Variants in HMGN4 observed in about 807,000 individuals in gnomAD.
The protein encoded by HMGN4 is high mobility group nucleosomal binding domain 4.
For synonymous variants in HMGN4, 39 were observed against 39.1 expected, an observed-to-expected ratio of 1.00 and a Z score of 0.01; for missense variants, 69 against 104.9, an observed-to-expected ratio of 0.66 and a Z score of 1.49.
At position 26,546,312 on chromosome 6, in the gene HMGN4, A is replaced by G. The variant is rs1220223154; in HGVS notation, c.*833A>G. ...TTCTTTACTGCCTTGTGGAAATTTT[A>G]TAGTTTTGCCTTTCACATTTGTCTT... On this transcript the variant is annotated 3_prime_UTR_variant, in exon 2 of 2. Coordinates refer to ENST00000377575, the MANE Select transcript of HMGN4 (RefSeq NM_006353.3). 6.0e-6 allele frequency: 1 copy of G among 167,066 alleles called. No homozygotes were observed. The highest frequency in any genetic ancestry group is 1.5e-5 in the Non-Finnish European group (1 of 68,122). 10.3% of individuals were successfully genotyped at this position (167,066 alleles called of 1,614,324 possible).
chr6:26,538,973 C>T (rs1353814239), intron 1 of HMGN4, among the ~76,000 whole-genome samples: 1 of 152,158 alleles, frequency 6.6e-6, no homozygotes, highest in Non-Finnish European at 1.5e-5. Flanking sequence ...TGACCTTTTG[C>T]TATTCCATCA....
Position 26,545,423 on chromosome 6 carries a change from C to T in HMGN4, c.217C>T (p.Arg73Ter), listed in dbSNP as rs1234494741. 3.1e-6 allele frequency: 5 copies of T among 1,608,804 alleles called. No individual in the cohort carries two copies. Among genetic ancestry groups the T allele is most frequent in the Non-Finnish European group, 4.2e-6 (5 of 1,178,174 alleles). The change falls in exon 2 of 2, where the codon CGA becomes TGA. Residue 73 changes from arginine to a stop codon, truncating the protein, a stop_gained. Transcript: ENST00000377575. LOFTEE classifies it low-confidence loss of function (END_TRUNC). ...GGATGGGAACAACCCTGCAAAAAAC[C>T]GAGATGCCTCTACACTCCAGTCCCA... ...GKDGNNPAKN[R>*]DASTLQSQKA...
At chr6:26,544,675 GCACA>G (rs144160139) in intron 1 of HMGN4, among the ~76,000 whole-genome samples, 8 of 151,788 alleles carry the variant, frequency 5.3e-5, no homozygotes, top group Non-Finnish European at 1.2e-4. Context: ...ACACTAATTG[GCACA>G]CACACACAGC....
chr6:26,540,972 A>G (rs917463339), intron 1 of HMGN4, among the ~76,000 whole-genome samples: 2 of 152,250 alleles, frequency 1.3e-5, no homozygotes, highest in Non-Finnish European at 2.9e-5. Context: ...TGAAAGAGAA[A>G]AAACATGGAA....
At position 26,545,791 on chromosome 6, in the gene HMGN4, A is replaced by G. The variant is rs1175169311; in HGVS notation, c.*312A>G. 5.4e-6 allele frequency: 1 copy of G among 183,818 alleles called. No homozygotes were observed. The highest frequency in any genetic ancestry group is 1.3e-5 in the Non-Finnish European group (1 of 79,362). 11.4% of individuals were successfully genotyped at this position (183,818 alleles called of 1,614,324 possible). On this transcript the variant is annotated 3_prime_UTR_variant, in exon 2 of 2. Coordinates refer to ENST00000377575, the MANE Select transcript of HMGN4 (RefSeq NM_006353.3). ...AGCCACTTTGGCACGGAAGCCTTAC[A>G]GTGTGGGGAACCAAAACTTCGTGTC... is the stretch of plus-strand genomic sequence containing the variant.
At chr6:26,543,790 A>C (rs1464589983) in intron 1 of HMGN4, among the ~76,000 whole-genome samples, 2 of 148,558 alleles carry the variant, frequency 1.3e-5, no homozygotes, top group African/African-American at 2.5e-5. Context: ...AAAAAAAAAA[A>C]AAAAACTGGA....
At chr6:26,540,848 G>A (rs768087051) in intron 1 of HMGN4, among the ~76,000 whole-genome samples, 3 of 152,098 alleles carry the variant, frequency 2.0e-5, no homozygotes, top group Non-Finnish European at 4.4e-5. Flanking sequence ...ACCCAGTTCC[G>A]TATCCATCGA....
At chr6:26,541,116 G>A (rs1395932488) in intron 1 of HMGN4, among the ~76,000 whole-genome samples, 8 of 151,894 alleles carry the variant, frequency 5.3e-5, no homozygotes, top group African/African-American at 9.7e-5. Flanking sequence ...GCGCAATCTC[G>A]GCTCACTGCA....
At position 26,545,239 on chromosome 6, in the gene HMGN4, A is replaced by G. The variant is rs1476034905; in HGVS notation, c.33A>G (p.Lys11=). The G allele has an allele frequency of 5.6e-6, 9 of 1,613,244 alleles. No homozygotes were observed. Among genetic ancestry groups the G allele is most frequent in the Admixed American group, 5.0e-5 (3 of 59,810 alleles). Residue 11 remains lysine, a synonymous_variant, in exon 2 of 2, where the codon AAA becomes AAG. Transcript: ENST00000377575. MPKRKAKGDA[K]GDKAKVKDEP... ...AGAGAAAGGCAAAAGGAGATGCTAA[A>G]GGTGATAAAGCAAAGGTGAAGGATG...
intron 1 of HMGN4, among the ~76,000 whole-genome samples, chr6:26,540,322 G>A (rs1561894640): frequency 7.2e-6 from 1 of 138,014 alleles, no homozygotes; most frequent in Non-Finnish European, 1.5e-5. Context: ...CATCTTGCCT[G>A]TGAATCTTTT....
chr6:26,545,246 A>G lies in HMGN4; in HGVS notation c.40A>G (p.Lys14Glu). The G allele has an allele frequency of 6.2e-7, 1 of 1,613,478 alleles. No individual in the cohort carries two copies. The highest frequency in any genetic ancestry group is 8.5e-7 in the Non-Finnish European group (1 of 1,179,772). Residue 14 changes from lysine to glutamate, a missense_variant, in exon 2 of 2, where the codon AAA becomes GAA. Coordinates refer to ENST00000377575, the MANE Select transcript of HMGN4 (RefSeq NM_006353.3). ...GGCAAAAGGAGATGCTAAAGGTGATAAAGCAAAGGTGAAGGATGAGCCACA... is the reference window on the plus strand; with the variant it reads ...GGCAAAAGGAGATGCTAAAGGTGATGAAGCAAAGGTGAAGGATGAGCCACA... The part of the protein sequence containing the change: ...RKAKGDAKGD[K>E]AKVKDEPQRR...
At chr6:26,539,517 C>T (rs192547614) in intron 1 of HMGN4, among the ~76,000 whole-genome samples, 2,287 of 151,780 alleles carry the variant, frequency 0.015, 32 homozygotes, top group Non-Finnish European at 0.027. Flanking sequence ...GTGATCCGCC[C>T]GCCTCGGCCT....
intron 1 of HMGN4, 37 bp downstream of exon 1, chr6:26,538,538 A>G (rs1256691389): frequency 7.3e-6 from 1 of 136,722 alleles, no homozygotes; most frequent in Middle Eastern, 3.8e-3. Flanking sequence ...TACCCCGGAA[A>G]ATGAGGGGCG....
In HMGN4 at chr6:26,545,954, C is replaced by T. The variant is rs1436367513; in HGVS notation, c.*475C>T. ...TGTTGATGACATCGAGATGGTGTCA[C>T]TTAAAAGAGCCAAGATTCCTGTTTT... On this transcript the variant is annotated 3_prime_UTR_variant, in exon 2 of 2. Coordinates refer to ENST00000377575, the MANE Select transcript of HMGN4 (RefSeq NM_006353.3). 6.0e-6 allele frequency: 1 copy of T among 167,142 alleles called. No homozygotes were observed. The highest frequency in any genetic ancestry group is 1.5e-5 in the Non-Finnish European group (1 of 68,166). The allele number at this position is 167,142 out of a possible 1,614,324, so 10.4% of individuals were successfully genotyped here.
At position 26,541,942 on chromosome 6, in the gene HMGN4, A is replaced by G. The variant is rs1198123548; in HGVS notation, c.-80-3185A>G. On this transcript the variant is annotated intron_variant, in intron 1 of 1. Coordinates refer to ENST00000377575, the MANE Select transcript of HMGN4 (RefSeq NM_006353.3). ...GTTATTTTAACAAAGGGGAACTGTT[A>G]TATTTCTAAAACTTTTAAAATTGTT... Among the ~76,000 whole-genome samples the G allele has an allele frequency of 3.9e-5, 6 of 152,352 alleles. No individual in the cohort carries two copies. The South Asian group carries it at 6.2e-4, about 16-fold the overall frequency.
Position 26,542,806 on chromosome 6 carries a change from T to C in HMGN4, c.-80-2321T>C, listed in dbSNP as rs937707255. 2.0e-5 allele frequency among the ~76,000 whole-genome samples: 3 copies of C among 152,206 alleles called. No individual in the cohort carries two copies. Among genetic ancestry groups the C allele is most frequent in the African/African-American group, 4.8e-5 (2 of 41,450 alleles). ...GCCTATTTTTCCTGATTTTATTTTG[T>C]CACCTGCTGTATTTTGGCCTTTGAC... On this transcript the variant is annotated intron_variant, in intron 1 of 1. Transcript: ENST00000377575. The surrounding 1 kb of genome is among the most constrained non-coding windows in gnomAD (Gnocchi z 4.6).
rs9467783 is a variant in HMGN4, at chr6:26,542,666, C to T, written c.-80-2461C>T. 0.5 allele frequency among the ~76,000 whole-genome samples: 76,311 copies of T among 152,028 alleles called. 19,412 individuals are homozygous for T. The highest frequency in any genetic ancestry group is 0.75 in the East Asian group (3,859 of 5,176). On this transcript the variant is annotated intron_variant, in intron 1 of 1. Transcript: ENST00000377575. This position sits in a 1 kb window ranked among gnomAD's most constrained non-coding sequence, Gnocchi z 4.6. ...TTTCATTATGTGTGTATCTGTCTCC[C>T]ACATTTGTAAGGTCTCTAGAGAGTC...
At chr6:26,540,809 A>G (rs1764280014) in intron 1 of HMGN4, among the ~76,000 whole-genome samples, 1 of 152,156 alleles carries the variant, frequency 6.6e-6, no homozygotes, top group Non-Finnish European at 1.5e-5. Context: ...GATTGAGGCT[A>G]AAACCCAAGT....
chr6:26,545,574 CTTTT>C lies in HMGN4; in HGVS notation c.*98_*101del. On this transcript the variant is annotated 3_prime_UTR_variant, in exon 2 of 2. Transcript: ENST00000377575. ...GTTTTATAAAAGTGTAGAATTTTGG[CTTTT>C]TTAAGTTATGTTGTTAGCACACAGG... 1 of 1,280,710 alleles carries C rather than the reference CTTTT, an allele frequency of 7.8e-7. No individual in the cohort carries two copies. The highest frequency in any genetic ancestry group is 1.5e-5 in the African/African-American group (1 of 66,034). 79.3% of individuals were successfully genotyped at this position (1,280,710 alleles called of 1,614,324 possible). A position where few individuals can be genotyped will look rare whatever the true frequency, so the allele number is the denominator to read the frequency against.
Sources: allele counts gnomAD v4.1 joint callset (sites outside exome capture counted in the v4.1 genomes callset), GRCh38; gene constraint gnomAD v4.1.1; non-coding constraint Gnocchi (gnomAD v3.1); transcripts MANE v1.5; gene names NCBI Gene and HGNC (gene_info 2026-07-23, HGNC 2026-07-21).